Variants in COL6A3 observed in about 807,000 individuals in gnomAD.
COL6A3 encodes collagen alpha-3(VI) chain.
Under a neutral mutation model 274.1 loss-of-function variants are expected in COL6A3, and 137 were observed. The observed-to-expected ratio is 0.50, with a 90% CI of 0.44 to 0.58. The LOEUF is 0.58. Among genes scored for constraint, COL6A3 ranks in the 20% least tolerant of loss-of-function variants. COL6A3 has a pLI of 0.00. For synonymous variants in COL6A3, 1,650 were observed against 1,650.6 expected, an observed-to-expected ratio of 1.00 and a Z score of 0.01; for missense variants, 3,950 against 4,124.9, an observed-to-expected ratio of 0.96 and a Z score of 1.16.
rs1463506678 is a variant in COL6A3 at position 237,377,194 on chromosome 2, T to C, written c.2648A>G (p.Asp883Gly). 3 of 1,614,010 alleles carry C rather than the reference T, an allele frequency of 1.9e-6. No individual in the cohort carries two copies. The highest frequency in any genetic ancestry group is 2.2e-5 in the South Asian group (2 of 91,080). The change falls in exon 7 of 44, where the codon GAT becomes GGT. Residue 883 changes from aspartate to glycine, a missense_variant. Around this residue, in one of 5 missense-constraint regions of COL6A3, gnomAD observed 1,934 missense variants for 1,984.3 expected, o/e 0.97. Coordinates refer to ENST00000295550, the MANE Select transcript of COL6A3 (RefSeq NM_004369.4). ...ATCAAAACGGGACTCCACCTTGACATCATCGCTGTACTGAGCCACCGCAAT... is the reference window on the plus strand; with the variant it reads ...ATCAAAACGGGACTCCACCTTGACACCATCGCTGTACTGAGCCACCGCAAT... ...TRIAVAQYSDDVKVESRFDEH... is the reference protein window; with the variant it reads ...TRIAVAQYSDGVKVESRFDEH...
intron 5 of COL6A3, among the ~76,000 whole-genome samples, chr2:237,380,226 C>T (rs1023197467): frequency 2.6e-5 from 4 of 152,166 alleles, no homozygotes; most frequent in African/African-American, 2.4e-5. Context: ...CTCTAGTGAT[C>T]GAGTCTGCAA....
At chr2:237,369,453 G>GAT (rs1283449779) in intron 9 of COL6A3, among the ~76,000 whole-genome samples, 1 of 152,190 alleles carries the variant, frequency 6.6e-6, no homozygotes, top group African/African-American at 2.4e-5. Flanking sequence ...GGTTACTACT[G>GAT]ATTTCTAAAA....
chr2:237,348,494 C>T, intron 29 of COL6A3, 110 bp from the exon 30 acceptor site: 1 of 1,327,448 alleles, frequency 7.5e-7, no homozygotes, highest in Non-Finnish European at 1.1e-6. Context: ...CGAAAACACT[C>T]ACTCAAATAC....
Position 237,366,875 on chromosome 2 carries a change from A to AC in COL6A3, c.5311dup (p.Val1771GlyfsTer48). The AC allele has an allele frequency of 1.2e-6, 2 of 1,613,040 alleles. No individual in the cohort carries two copies. The highest frequency in any genetic ancestry group is 1.1e-5 in the South Asian group (1 of 91,014). On this transcript the variant is annotated frameshift_variant, in exon 11 of 44. Coordinates refer to ENST00000295550, the MANE Select transcript of COL6A3 (RefSeq NM_004369.4). LOFTEE classifies it high-confidence loss of function. ...CCTCACTCCAACAGCAAACACTTTG[A>AC]CCCCCCTCTGGGTGAGGGCCAGGCT... is the stretch of plus-strand genomic sequence containing the variant.
chr2:237,332,109 A>ATTATATAT (rs1201766472), intron 42 of COL6A3, among the ~76,000 whole-genome samples: 1 of 83,402 alleles, frequency 1.2e-5, no homozygotes, highest in Non-Finnish European at 2.3e-5. Flanking sequence ...ATATATATAT[A>ATTATATAT]TATATATATG....
chr2:237,375,577 T>C (rs925995805), intron 7 of COL6A3, among the ~76,000 whole-genome samples: 3 of 152,218 alleles, frequency 2.0e-5, no homozygotes, highest in African/African-American at 7.2e-5. Flanking sequence ...AATTTCGCTC[T>C]TGTCGCCCAG....
Position 237,368,111 on chromosome 2 carries a change from C to A in COL6A3, c.4900+452G>T, listed in dbSNP as rs968274018. On this transcript the variant is annotated intron_variant, in intron 10 of 43. Transcript: ENST00000295550. This position sits in a 1 kb window ranked among gnomAD's most constrained non-coding sequence, Gnocchi z 4.4. The stretch of plus-strand genomic sequence containing the variant: ...GCCCCAAAGACGAGAACCAGGAGCA[C>A]GGGGTAGAAGCTGAGGTGGACGACT... 1.3e-5 allele frequency among the ~76,000 whole-genome samples: 2 copies of A among 152,152 alleles called. No homozygotes were observed. Among genetic ancestry groups the A allele is most frequent in the Non-Finnish European group, 2.9e-5 (2 of 68,016 alleles).
At chr2:237,352,391 T>G (rs2106333454) in intron 26 of COL6A3, 131 bp downstream of exon 26, 1 of 910,196 alleles carries the variant, frequency 1.1e-6, no homozygotes, top group Non-Finnish European at 1.8e-6. Flanking sequence ...AAATCTGGGG[T>G]TTTTGTTGCC....
At position 237,344,737 on chromosome 2, in the gene COL6A3, A is replaced by G; in HGVS notation, c.7281T>C (p.Ser2427=). 1.2e-6 allele frequency: 2 copies of G among 1,601,912 alleles called. No individual in the cohort carries two copies. The highest frequency in any genetic ancestry group is 1.7e-6 in the Non-Finnish European group (2 of 1,174,214). ...CAGCAATGGTCAGGTCATTCACAATACTCAAGACCACATCTCGCATCCGGC... is the reference window on the plus strand; with the variant it reads ...CAGCAATGGTCAGGTCATTCACAATGCTCAAGACCACATCTCGCATCCGGC... ...TFGRMRDVVL[S]IVNDLTIAES... Residue 2427 remains serine (S), a synonymous_variant, in exon 36 of 44, where the codon AGT becomes AGC. Coordinates refer to ENST00000295550, the MANE Select transcript of COL6A3 (RefSeq NM_004369.4). The surrounding 1 kb of genome is among the most constrained non-coding windows in gnomAD (Gnocchi z 4.8).
chr2:237,336,474 G>T lies in COL6A3; in HGVS notation c.8626C>A (p.Pro2876Thr), dbSNP rs139883752. The change falls in exon 40 of 44, where the codon CCG (proline) becomes ACG (threonine). Residue 2876 changes from proline to threonine, a missense_variant. Physicochemically the swap from Pro to Thr is conservative, Grantham distance 38 (BLOSUM62 -1). This residue lies in a region of COL6A3 where 1,284 missense variants were observed against 1,349.7 expected (regional missense o/e 0.95). Coordinates refer to ENST00000295550, the MANE Select transcript of COL6A3 (RefSeq NM_004369.4). ...GTCACCGGCTTCGTCGTAGTCACCGGCTTCGTTGTCGTCACTGGGTTGGAT... is the reference window on the plus strand; with the variant it reads ...GTCACCGGCTTCGTCGTAGTCACCGTCTTCGTTGTCGTCACTGGGTTGGAT... ...PTSNPVTTTKPVTTTKPVTTT... is the reference protein window; with the variant it reads ...PTSNPVTTTKTVTTTKPVTTT... 1.9e-6 allele frequency: 3 copies of T among 1,614,226 alleles called. No homozygotes were observed. The highest frequency in any genetic ancestry group is 2.2e-5 in the South Asian group (2 of 91,078).
At position 237,361,625 on chromosome 2, in the gene COL6A3, C is replaced by T. The variant is rs1001741667; in HGVS notation, c.6156+114G>A. ...TCCTCCTTCTAACATAAGAAATGGT[C>T]TCTCGTCTCCTCCTTCATCTCCACA... On this transcript the variant is annotated intron_variant, in intron 15 of 43. Transcript: ENST00000295550. The surrounding 1 kb of genome is among the most constrained non-coding windows in gnomAD (Gnocchi z 5.1). 1.0e-6 allele frequency: 1 copy of T among 1,001,092 alleles called. No homozygotes were observed. Among genetic ancestry groups the T allele is most frequent in the Non-Finnish European group, 1.6e-6 (1 of 623,616 alleles). 62.0% of individuals were successfully genotyped at this position (1,001,092 alleles called of 1,614,324 possible).
At chr2:237,389,287 G>C (rs1051124279) in intron 3 of COL6A3, among the ~76,000 whole-genome samples, 6 of 152,174 alleles carry the variant, frequency 3.9e-5, no homozygotes, top group African/African-American at 1.4e-4. Context: ...AAATTTGGCT[G>C]ATTTAAACTC....
In COL6A3 at chr2:237,387,369, T is replaced by C. The variant is rs190395745; in HGVS notation, c.1312+213A>G. The stretch of plus-strand genomic sequence containing the variant: ...GCTTTCTCAGCAACTCATACTCTCG[T>C]AAGAGCTTTCACTCACTCATTGGTC... On this transcript the variant is annotated intron_variant, in intron 4 of 43. Coordinates refer to ENST00000295550, the MANE Select transcript of COL6A3 (RefSeq NM_004369.4). Among the ~76,000 whole-genome samples the C allele has an allele frequency of 1.7e-4, 26 of 152,318 alleles. No homozygotes were observed. The East Asian group carries it at 4.6e-3, about 27-fold the overall frequency.
At chr2:237,351,508 G>A (rs1282405691) in intron 26 of COL6A3, among the ~76,000 whole-genome samples, 2 of 152,192 alleles carry the variant, frequency 1.3e-5, no homozygotes, top group African/African-American at 4.8e-5. Flanking sequence ...CAGATTTTAT[G>A]TGACTTTATT....
At chr2:237,332,703 T>G (rs1452673632) in intron 42 of COL6A3, among the ~76,000 whole-genome samples, 1 of 152,224 alleles carries the variant, frequency 6.6e-6, no homozygotes, top group Non-Finnish European at 1.5e-5. Flanking sequence ...ATTTCCATTT[T>G]TTATGTTAGT....
chr2:237,389,786 T>G (rs571161547), intron 3 of COL6A3, among the ~76,000 whole-genome samples: 14 of 152,352 alleles, frequency 9.2e-5, no homozygotes, highest in African/African-American at 3.4e-4. Flanking sequence ...ATCACAATCC[T>G]TCTTATAAGA....
In COL6A3 at chr2:237,369,206, A is replaced by G. The variant is rs753162274; in HGVS notation, c.4286-29T>C. The G allele has an allele frequency of 5.6e-6, 9 of 1,602,626 alleles. No individual in the cohort carries two copies. The East Asian group carries it at 1.6e-4, about 28-fold the overall frequency. ...CAGATCAAAGAAGAAAAAGGGAAAC[A>G]TTCAGTGTGTAAGTAGCCCTCACCC... On this transcript the variant is annotated intron_variant, in intron 9 of 43. Transcript: ENST00000295550.
At chr2:237,395,859 C>T (rs2078426548) in intron 2 of COL6A3, among the ~76,000 whole-genome samples, 1 of 152,192 alleles carries the variant, frequency 6.6e-6, no homozygotes, top group Non-Finnish European at 1.5e-5. Context: ...CCATAGATGT[C>T]AAACATTATC....
intron 3 of COL6A3, among the ~76,000 whole-genome samples, chr2:237,392,709 C>T (rs902758012): frequency 3.2e-4 from 48 of 152,242 alleles, no homozygotes; most frequent in African/African-American, 1.1e-3. Context: ...AAGAGAGTCT[C>T]CAACATTCCT....
Sources: gnomAD v4.1 joint callset for allele counts (sites outside exome capture counted in the v4.1 genomes callset) on GRCh38, gnomAD v4.1.1 for gene constraint, gnomAD v4.1.1 regional missense constraint, Gnocchi (gnomAD v3.1) non-coding constraint, MANE v1.5 for transcripts, NCBI Gene and HGNC (gene_info 2026-07-23, HGNC 2026-07-21) for gene names.